ZNF737: variants seen among roughly 807,000 people sequenced by gnomAD.
The protein encoded by ZNF737 is zinc finger protein 102 (Y3).
In ZNF737, 13 loss-of-function variants were observed where a neutral mutation model predicts 11.7. The ratio of observed to expected loss-of-function variants is 1.11; its 90% CI spans 0.73 to 1.77. The LOEUF (loss-of-function observed/expected upper bound fraction) is 1.77, where lower values mean the gene tolerates loss of function less well. Among genes scored for constraint, ZNF737 ranks in the 40% most tolerant of loss-of-function variants. The pLI, the probability that ZNF737 is intolerant of heterozygous loss-of-function variation, is 0.00. For missense variants in ZNF737, 636 were observed against 638.0 expected, an observed-to-expected ratio of 1.00 and a Z score of 0.03; for synonymous variants, 217 against 216.2, an observed-to-expected ratio of 1.00 and a Z score of -0.03.
chr19:20,560,806 A>G (rs1374072440), intron 1 of ZNF737, among the ~76,000 whole-genome samples: 1 of 152,190 alleles, frequency 6.6e-6, no homozygotes, highest in Non-Finnish European at 1.5e-5. Context: ...AAAGAAAAAG[A>G]AAATACTGTA....
chr19:20,548,985 T>TAAAAAAC (rs1555757702), intron 3 of ZNF737, among the ~76,000 whole-genome samples: 1 of 72,770 alleles, frequency 1.4e-5, no homozygotes. Context: ...AAAAAACAAT[T>TAAAAAAC]ATGTATCTTT....
Position 20,543,461 on chromosome 19 carries a change from C to G in ZNF737, c.*1131G>C, listed in dbSNP as rs1393535141. 1.0e-6 allele frequency: 1 copy of G among 985,008 alleles called. No homozygotes were observed. The highest frequency in any genetic ancestry group is 1.2e-6 in the Non-Finnish European group (1 of 829,382). 61.0% of individuals were successfully genotyped at this position (985,008 alleles called of 1,614,324 possible). A position where few individuals can be genotyped will look rare whatever the true frequency, so the allele number is the denominator to read the frequency against. ...TTTGACAGTAATTGCCATTTTAATG[C>G]TTTTATTAAAAGGAAGATTTTTATG... On this transcript the variant is annotated 3_prime_UTR_variant, in exon 4 of 4. Transcript: ENST00000427401.
At chr19:20,546,856 G>C (rs1310692213) in intron 3 of ZNF737, among the ~76,000 whole-genome samples, 1 of 152,020 alleles carries the variant, frequency 6.6e-6, no homozygotes, top group African/African-American at 2.4e-5. Context: ...CTGCAGCCTG[G>C]GTGACAGTAA....
chr19:20,549,500 T>A (rs1968587565), intron 3 of ZNF737, among the ~76,000 whole-genome samples: 1 of 151,958 alleles, frequency 6.6e-6, no homozygotes, highest in Non-Finnish European at 1.5e-5. Context: ...TGGTGGCTCA[T>A]GCCTGTAGTC....
rs1310299790 is a variant in ZNF737, at chr19:20,543,414, A to C, written c.*1178T>G. 1.0e-6 allele frequency: 1 copy of C among 986,378 alleles called. No individual in the cohort carries two copies. The highest frequency in any genetic ancestry group is 1.7e-5 in the African/African-American group (1 of 57,292). The allele number at this position is 986,378 out of a possible 1,614,324, so 61.1% of individuals were successfully genotyped here. A position where few individuals can be genotyped will look rare whatever the true frequency, so the allele number is the denominator to read the frequency against. On this transcript the variant is annotated 3_prime_UTR_variant, in exon 4 of 4. Transcript: ENST00000427401. ...ACAATAAATACTCTTCTTCACTTTA[A>C]AGGCTTATACTTGCTGAAAGTTTTG...
At chr19:20,533,907 C>T (rs1348156309), downstream of ZNF737, among the ~76,000 whole-genome samples, 3 of 150,042 alleles carry the variant, frequency 2.0e-5, 1 homozygote, top group Non-Finnish European at 4.4e-5. Flanking sequence ...ATTGAAATCA[C>T]CTGGACTGAG....
intron 1 of ZNF737, 64 bp downstream of exon 1, chr19:20,565,574 C>T: frequency 6.2e-7 from 1 of 1,613,672 alleles, no homozygotes. Context: ...CCCGCCACAG[C>T]CACTTCCCAC....
At position 20,565,773 on chromosome 19, in the gene ZNF737, T is replaced by G. The variant is rs1380895973; in HGVS notation, c.-133A>C. The G allele has an allele frequency of 3.7e-5, 55 of 1,472,836 alleles. No homozygotes were observed. In the South Asian group the frequency reaches 5.7e-4, roughly 15 times the overall value. 91.2% of individuals were successfully genotyped at this position (1,472,836 alleles called of 1,614,324 possible). Reference sequence around the variant, plus strand: ...TGAAGACAAGACCTGGAGCTCCGGCTGCAGAGACAAAGGCCCCGCAAAACC... The same window carrying G: ...TGAAGACAAGACCTGGAGCTCCGGCGGCAGAGACAAAGGCCCCGCAAAACC... On this transcript the variant is annotated 5_prime_UTR_variant, in exon 1 of 4. Transcript: ENST00000427401.
At chr19:20,547,794 C>A (rs782376440) in intron 3 of ZNF737, among the ~76,000 whole-genome samples, 10 of 152,034 alleles carry the variant, frequency 6.6e-5, no homozygotes, top group Admixed American at 3.3e-4. Context: ...TGGTGGAAAA[C>A]AAAGACACAG....
At chr19:20,563,644 C>A (rs879981692) in intron 1 of ZNF737, among the ~76,000 whole-genome samples, 9 of 151,908 alleles carry the variant, frequency 5.9e-5, no homozygotes, top group Middle Eastern at 6.8e-3. Context: ...TGCCACCACA[C>A]CCGGCTAATT....
chr19:20,541,199 A>G lies in ZNF737; in HGVS notation c.*3393T>C. 1.0e-6 allele frequency: 1 copy of G among 983,230 alleles called. No individual in the cohort carries two copies. Among genetic ancestry groups the G allele is most frequent in the Non-Finnish European group, 1.2e-6 (1 of 827,956 alleles). 60.9% of individuals were successfully genotyped at this position (983,230 alleles called of 1,614,324 possible). A position where few individuals can be genotyped will look rare whatever the true frequency, so the allele number is the denominator to read the frequency against. On this transcript the variant is annotated 3_prime_UTR_variant, in exon 4 of 4. Transcript: ENST00000427401. ...GTTTAGTTTTGTTAATCACCTAAATAACATAATTTGTTTTGTTGCAGTAAT... is the reference window on the plus strand; with the variant it reads ...GTTTAGTTTTGTTAATCACCTAAATGACATAATTTGTTTTGTTGCAGTAAT...
In ZNF737 at chr19:20,541,137, G is replaced by C. The variant is rs33934; in HGVS notation, c.*3455C>G. On this transcript the variant is annotated 3_prime_UTR_variant, in exon 4 of 4. Transcript: ENST00000427401. Reference sequence around the variant, plus strand: ...TTTATATTAATAAATTCAATACAAAGCAGAAAGTATAGATTTGCTTTCACC... The same window carrying C: ...TTTATATTAATAAATTCAATACAAACCAGAAAGTATAGATTTGCTTTCACC... The C allele has an allele frequency of 0.047, 46,631 of 981,942 alleles. 1,262 individuals carry two copies. The highest frequency in any genetic ancestry group is 0.19 in the East Asian group (1,642 of 8,780). The allele number at this position is 981,942 out of a possible 1,614,324, so 60.8% of individuals were successfully genotyped here. A position where few individuals can be genotyped will look rare whatever the true frequency, so the allele number is the denominator to read the frequency against.
At chr19:20,561,402 G>T (rs556206476) in intron 1 of ZNF737, among the ~76,000 whole-genome samples, 1 of 152,296 alleles carries the variant, frequency 6.6e-6, no homozygotes, top group Non-Finnish European at 1.5e-5. Flanking sequence ...TAGTGTGTGT[G>T]TTTGTGAGTG....
Position 20,538,922 on chromosome 19 carries a change from T to A in ZNF737, c.*5670A>T, listed in dbSNP as rs1968087001. ...TAATTCACTCTAAATTGAGACTACATTTACAATCTTCAGTTTTTCAGTGTT... is the reference window on the plus strand; with the variant it reads ...TAATTCACTCTAAATTGAGACTACAATTACAATCTTCAGTTTTTCAGTGTT... On this transcript the variant is annotated 3_prime_UTR_variant, in exon 4 of 4. Coordinates refer to ENST00000427401, the MANE Select transcript of ZNF737 (RefSeq NM_001159293.2). The A allele has an allele frequency of 1.0e-6, 1 of 985,268 alleles. No individual in the cohort carries two copies. Among genetic ancestry groups the A allele is most frequent in the Non-Finnish European group, 1.2e-6 (1 of 829,874 alleles). The allele number at this position is 985,268 out of a possible 1,614,324, so 61.0% of individuals were successfully genotyped here.
Position 20,544,915 on chromosome 19 carries a change from A to T in ZNF737, c.1288T>A (p.Cys430Ser). Residue 430 changes from cysteine to serine, a missense_variant, in exon 4 of 4, where the codon TGT becomes AGT. Coordinates refer to ENST00000427401, the MANE Select transcript of ZNF737 (RefSeq NM_001159293.2). ...GAGAAGCACTTAAAGGCCTTGCCAC[A>T]TTCTTCACACTTGAAGGGTTGCTGT... is the stretch of plus-strand genomic sequence containing the variant. The part of the protein sequence containing the change: ...TGQQPFKCEE[C>S]GKAFKCFSIL... 1 of 1,613,142 alleles carries T rather than the reference A, an allele frequency of 6.2e-7. No homozygotes were observed. The highest frequency in any genetic ancestry group is 8.5e-7 in the Non-Finnish European group (1 of 1,179,576).
In ZNF737 at chr19:20,540,215, C is replaced by T. The variant is rs2144585723; in HGVS notation, c.*4377G>A. ...TAGAAGTCACTTACTTTCAGGCCAGCAGGGGTGTTTTTCTGTGATGTGTCT... is the reference window on the plus strand; with the variant it reads ...TAGAAGTCACTTACTTTCAGGCCAGTAGGGGTGTTTTTCTGTGATGTGTCT... On this transcript the variant is annotated 3_prime_UTR_variant, in exon 4 of 4. Coordinates refer to ENST00000427401, the MANE Select transcript of ZNF737 (RefSeq NM_001159293.2). 2.1e-6 allele frequency: 2 copies of T among 952,518 alleles called. No individual in the cohort carries two copies. Among genetic ancestry groups the T allele is most frequent in the Non-Finnish European group, 2.5e-6 (2 of 800,056 alleles). The allele number at this position is 952,518 out of a possible 1,614,324, so 59.0% of individuals were successfully genotyped here. A position where few individuals can be genotyped will look rare whatever the true frequency, so the allele number is the denominator to read the frequency against.
At chr19:20,550,372 G>T (rs186607955) in intron 3 of ZNF737, among the ~76,000 whole-genome samples, 1 of 152,190 alleles carries the variant, frequency 6.6e-6, no homozygotes, top group African/African-American at 2.4e-5. Flanking sequence ...AACTATTTTA[G>T]TAACTATGGG....
rs574509712 is a variant in ZNF737 at position 20,540,077 on chromosome 19, A to G, written c.*4515T>C. The G allele has an allele frequency of 4.0e-5, 39 of 985,372 alleles. No homozygotes were observed. The African/African-American group carries it at 6.3e-4, about 16-fold the overall frequency. 61.0% of individuals were successfully genotyped at this position (985,372 alleles called of 1,614,324 possible). On this transcript the variant is annotated 3_prime_UTR_variant, in exon 4 of 4. Transcript: ENST00000427401. ...TCCCTTTTTTTTCCCTCTGCCATAG[A>G]ATCCTCTTATGTTCCTTACTGGAAG... is the stretch of plus-strand genomic sequence containing the variant.
intron 3 of ZNF737, among the ~76,000 whole-genome samples, chr19:20,549,632 T>TA (rs1219031917): frequency 6.6e-6 from 1 of 150,900 alleles, no homozygotes; most frequent in Non-Finnish European, 1.5e-5. Flanking sequence ...GAAGTATAAT[T>TA]AAAAAAAAAT....
Sources: allele counts gnomAD v4.1 joint callset (sites outside exome capture counted in the v4.1 genomes callset), GRCh38; gene constraint gnomAD v4.1.1; transcripts MANE v1.5; gene names NCBI Gene and HGNC (gene_info 2026-07-23, HGNC 2026-07-21).